INPP5F: variants seen among roughly 807,000 people sequenced by gnomAD.
The protein encoded by INPP5F is phosphatidylinositide 4-phosphatase SAC2.
INPP5F carries 97 observed loss-of-function variants against 137.2 expected under a neutral mutation model. That is an observed-to-expected ratio of 0.71 (90% confidence interval 0.60 to 0.84). The LOEUF (loss-of-function observed/expected upper bound fraction) is 0.84. Among genes scored for constraint, INPP5F ranks in the 40% least tolerant of loss-of-function variants. The pLI is 0.00. For synonymous variants in INPP5F, 504 were observed against 476.9 expected (o/e 1.06, Z -0.74); for missense variants, 1,271 against 1,371.9 (o/e 0.93, Z 1.16).
At chr10:119,742,879 C>T (rs1432032772) in intron 1 of INPP5F, among the ~76,000 whole-genome samples, 3 of 152,120 alleles carry the variant, frequency 2.0e-5, no homozygotes, top group Non-Finnish European at 4.4e-5. Flanking sequence ...GTTATCCCAG[C>T]TACTTGGGAG....
At chr10:119,761,195 C>T (rs944134195) in intron 2 of INPP5F, among the ~76,000 whole-genome samples, 6 of 152,100 alleles carry the variant, frequency 3.9e-5, no homozygotes, top group African/African-American at 1.4e-4. Flanking sequence ...CTTCTAATTG[C>T]ACCATTTGGT....
chr10:119,741,173 C>T (rs1037304389), intron 1 of INPP5F, among the ~76,000 whole-genome samples: 1 of 152,172 alleles, frequency 6.6e-6, no homozygotes, highest in Non-Finnish European at 1.5e-5. Flanking sequence ...GAATTCTGTC[C>T]AGCTTTCCAG....
chr10:119,732,124 C>T (rs1848090118), intron 1 of INPP5F, among the ~76,000 whole-genome samples: 1 of 151,470 alleles, frequency 6.6e-6, no homozygotes, highest in African/African-American at 2.4e-5. Context: ...CAACCTCGGC[C>T]TCCAGGGTTC....
At chr10:119,811,038 A>C (rs527365936) in intron 14 of INPP5F, among the ~76,000 whole-genome samples, 28 of 152,298 alleles carry the variant, frequency 1.8e-4, no homozygotes, top group Admixed American at 1.6e-3. Context: ...GGATTTTAGC[A>C]GTTGATATTC....
chr10:119,822,791 T>C (rs1851615460), intron 17 of INPP5F, among the ~76,000 whole-genome samples: 1 of 152,216 alleles, frequency 6.6e-6, no homozygotes, highest in Admixed American at 6.5e-5. Flanking sequence ...AGAACTTCCT[T>C]TCTATTCATT....
rs188887114 is a variant in INPP5F at position 119,751,283 on chromosome 10, A to T, written c.178+127A>T. On this transcript the variant is annotated intron_variant, in intron 2 of 19. Transcript: ENST00000650623. ...TTTGTTTTAATTTTGGGTCTGCTCA[A>T]AGTGGGTGTATAATGAGCGAAGACC... 51 of 685,030 alleles carry T rather than the reference A, an allele frequency of 7.4e-5. No individual in the cohort carries two copies. The African/African-American group carries it at 8.0e-4, about 11-fold the overall frequency. 42.4% of individuals were successfully genotyped at this position (685,030 alleles called of 1,614,324 possible).
intron 3 of INPP5F, among the ~76,000 whole-genome samples, chr10:119,790,865 C>G (rs1001952332): frequency 6.6e-6 from 1 of 152,210 alleles, no homozygotes; most frequent in Non-Finnish European, 1.5e-5. Context: ...TTAACATAGC[C>G]GTATTCACGC....
intron 3 of INPP5F, among the ~76,000 whole-genome samples, chr10:119,782,517 C>G (rs1849741906): frequency 1.3e-5 from 2 of 152,214 alleles, no homozygotes; most frequent in Middle Eastern, 3.4e-3. Context: ...CCAAGACCCC[C>G]CTATGAGGTA....
At position 119,781,620 on chromosome 10, in the gene INPP5F, A is replaced by G. The variant is rs370692747; in HGVS notation, c.179-15A>G. ...TCTAAAAACGCCAGACTTTATTATG[A>G]CTCTCCTCTTTCAGATCTTCCATGG... On this transcript the variant is annotated splice_polypyrimidine_tract_variant and intron_variant, in intron 2 of 19. Transcript: ENST00000650623. 13 of 1,596,420 alleles carry G rather than the reference A, an allele frequency of 8.1e-6. No individual in the cohort carries two copies. The South Asian group carries it at 1.5e-4, about 18-fold the overall frequency.
intron 19 of INPP5F, 71 bp downstream of exon 19, chr10:119,823,973 A>AG (rs1336573516): frequency 8.8e-6 from 10 of 1,131,618 alleles, no homozygotes; most frequent in Non-Finnish European, 1.3e-5. Flanking sequence ...AATTATTTGC[A>AG]GGGGGAAAGG....
chr10:119,758,411 C>T (rs1444423308), intron 2 of INPP5F, among the ~76,000 whole-genome samples: 3 of 152,178 alleles, frequency 2.0e-5, no homozygotes, highest in Non-Finnish European at 4.4e-5. Context: ...GCAAAAGGCC[C>T]ACATGATTGA....
In INPP5F at chr10:119,827,441, A is replaced by C; in HGVS notation, c.3060A>C (p.Ala1020=). 6.2e-7 allele frequency: 1 copy of C among 1,614,204 alleles called. No individual in the cohort carries two copies. Residue 1020 remains alanine (A), a synonymous_variant, in exon 20 of 20, where the codon GCA becomes GCC. Coordinates refer to ENST00000650623, the MANE Select transcript of INPP5F (RefSeq NM_014937.4). ...RPSQLDVSLS[A]TGPQFLSVEP... is the part of the protein sequence containing the mutation. Reference sequence around the variant, plus strand: ...CGCAATTAGATGTCTCTCTTTCTGCAACAGGCCCACAGTTTTTGTCAGTTG... The same window carrying C: ...CGCAATTAGATGTCTCTCTTTCTGCCACAGGCCCACAGTTTTTGTCAGTTG...
intron 2 of INPP5F, among the ~76,000 whole-genome samples, chr10:119,762,951 G>T (rs866645551): frequency 6.6e-6 from 1 of 152,120 alleles, no homozygotes; most frequent in Non-Finnish European, 1.5e-5. Flanking sequence ...CCGAAGTCTC[G>T]TTTAAATATC....
chr10:119,797,394 G>A, intron 7 of INPP5F, 67 bp from the exon 8 acceptor site: 6 of 1,225,970 alleles, frequency 4.9e-6, no homozygotes, highest in Non-Finnish European at 6.9e-6. Flanking sequence ...TGATTAGGAA[G>A]CATAATCTAG....
rs1331636767 is a variant in INPP5F at position 119,748,067 on chromosome 10, C to T, written c.98-3009C>T. On this transcript the variant is annotated intron_variant, in intron 1 of 19. Transcript: ENST00000650623. The surrounding 1 kb of genome is among the most constrained non-coding windows in gnomAD (Gnocchi z 4.7). ...CTGTGCTGGGCTTGCACTACCAGCC[C>T]GGATCCCATGCCTGCCAATGGCAAG... is the stretch of plus-strand genomic sequence containing the variant. Among the ~76,000 whole-genome samples, 5 of 152,178 alleles carry T rather than the reference C, an allele frequency of 3.3e-5. No individual in the cohort carries two copies. Among genetic ancestry groups the T allele is most frequent in the African/African-American group, 7.2e-5 (3 of 41,442 alleles).
In INPP5F at chr10:119,757,302, A is replaced by G. The variant is rs1034654933; in HGVS notation, c.178+6146A>G. Among the ~76,000 whole-genome samples the G allele has an allele frequency of 2.0e-5, 3 of 151,778 alleles. No homozygotes were observed. In the East Asian group the frequency reaches 5.9e-4, roughly 30 times the overall value. ...AGACTGGTCTCGAACTCCTGACCTCAGGTGATCGGCCTGCCTCAGCCTCCC... is the reference window on the plus strand; with the variant it reads ...AGACTGGTCTCGAACTCCTGACCTCGGGTGATCGGCCTGCCTCAGCCTCCC... On this transcript the variant is annotated intron_variant, in intron 2 of 19. Coordinates refer to ENST00000650623, the MANE Select transcript of INPP5F (RefSeq NM_014937.4).
chr10:119,785,389 G>A (rs1215291695), intron 3 of INPP5F, among the ~76,000 whole-genome samples: 1 of 149,662 alleles, frequency 6.7e-6, no homozygotes, highest in African/African-American at 2.5e-5. Context: ...GGGTTCAAAC[G>A]ATTCTCCTGC....
Position 119,810,209 on chromosome 10 carries a change from C to T in INPP5F, c.1679C>T (p.Ala560Val). ...CGATTTAAGGATGCTTATAGGCAAGCTGTTATAGGTAAGAAGCAGAAAAGC... is the reference window on the plus strand; with the variant it reads ...CGATTTAAGGATGCTTATAGGCAAGTTGTTATAGGTAAGAAGCAGAAAAGC... Reference protein sequence around the residue: ...LNRFKDAYRQAVIDLMQGIPV... With the variant: ...LNRFKDAYRQVVIDLMQGIPV... The change falls in exon 14 of 20, where the codon GCT (alanine) becomes GTT (valine). Residue 560 changes from alanine to valine, a missense_variant. By Grantham distance (64) the Ala-to-Val change is moderately conservative (BLOSUM62 0). Around this residue, in one of 6 missense-constraint regions of INPP5F, gnomAD observed 593 missense variants for 712.4 expected, o/e 0.83. Coordinates refer to ENST00000650623, the MANE Select transcript of INPP5F (RefSeq NM_014937.4). The T allele has an allele frequency of 1.3e-6, 2 of 1,572,080 alleles. No individual in the cohort carries two copies. The highest frequency in any genetic ancestry group is 1.8e-6 in the Non-Finnish European group (2 of 1,142,766).
At chr10:119,769,464 G>A (rs1849272465) in intron 2 of INPP5F, among the ~76,000 whole-genome samples, 1 of 152,058 alleles carries the variant, frequency 6.6e-6, no homozygotes, top group Non-Finnish European at 1.5e-5. Flanking sequence ...TAACTTGACT[G>A]GGAAGGGATG....
Sources: allele counts gnomAD v4.1 joint callset (sites outside exome capture counted in the v4.1 genomes callset), GRCh38; gene constraint gnomAD v4.1.1; regional missense constraint gnomAD v4.1.1; non-coding constraint Gnocchi (gnomAD v3.1); transcripts MANE v1.5; gene names NCBI Gene and HGNC (gene_info 2026-07-23, HGNC 2026-07-21).